Variants in PC observed in about 807,000 individuals in gnomAD.
PC encodes the protein pyruvate carboxylase.
Under a neutral mutation model 107.8 loss-of-function variants are expected in PC, and 46 were observed. That is an observed-to-expected ratio of 0.43 (90% CI 0.34 to 0.55). The LOEUF (loss-of-function observed/expected upper bound fraction) is 0.55. PC is among the 20% of genes least tolerant of loss of function. The probability of loss-of-function intolerance (pLI) is 0.04; values close to 1 mark genes in which losing one functional copy is unlikely to be tolerated. For synonymous variants in PC, 662 were observed against 684.7 expected, an observed-to-expected ratio of 0.97 and a Z score of 0.52; for missense variants, 1,241 against 1,643.1, an observed-to-expected ratio of 0.76 and a Z score of 4.23.
chr11:66,932,565 C>T (rs1354081848), intron 3 of PC, among the ~76,000 whole-genome samples: 1 of 152,162 alleles, frequency 6.6e-6, no homozygotes, highest in African/African-American at 2.4e-5. Flanking sequence ...CCGAAATGTC[C>T]TTTCGGGGCC....
chr11:66,886,617 A>C (rs1378769789), intron 3 of PC, among the ~76,000 whole-genome samples: 1 of 152,138 alleles, frequency 6.6e-6, no homozygotes, highest in African/African-American at 2.4e-5. Flanking sequence ...AGAAATACTT[A>C]GGAGGTGGCA....
chr11:66,902,977 A>G (rs1327241382), intron 3 of PC, among the ~76,000 whole-genome samples: 1 of 152,202 alleles, frequency 6.6e-6, no homozygotes, highest in Non-Finnish European at 1.5e-5. Context: ...TACCCGCTAC[A>G]CCACCGCAGC....
At chr11:66,951,373 G>T (rs1324150880) in intron 3 of PC, among the ~76,000 whole-genome samples, 1 of 152,120 alleles carries the variant, frequency 6.6e-6, no homozygotes, top group Non-Finnish European at 1.5e-5. Context: ...GCAGGGGACC[G>T]GCGGGAGGGC....
At chr11:66,916,680 T>G (rs11227625) in intron 3 of PC, among the ~76,000 whole-genome samples, 66,463 of 151,800 alleles carry the variant, frequency 0.44, 14,847 homozygotes, top group Middle Eastern at 0.49. Context: ...AAAGGCCGGG[T>G]GTGGTGGCTC....
chr11:66,940,077 T>C (rs932163351), intron 3 of PC, among the ~76,000 whole-genome samples: 1 of 152,052 alleles, frequency 6.6e-6, no homozygotes, highest in African/African-American at 2.4e-5. Context: ...AATGTAAAAA[T>C]TTTGTGCATC....
chr11:66,914,727 C>T (rs1015842186), intron 3 of PC, among the ~76,000 whole-genome samples: 1 of 152,192 alleles, frequency 6.6e-6, no homozygotes, highest in African/African-American at 2.4e-5. Flanking sequence ...AATTACACTA[C>T]CAGGGACTGT....
intron 3 of PC, among the ~76,000 whole-genome samples, chr11:66,896,922 TTTTGTTTGTTTG>T (rs142954680): frequency 1.1e-4 from 17 of 152,056 alleles, no homozygotes; most frequent in Non-Finnish European, 1.0e-4. Context: ...TCCTTTTGTT[TTTTGTTTGTTTG>T]TTTGTTTGTT....
At chr11:66,901,500 C>G (rs763422014) in intron 3 of PC, among the ~76,000 whole-genome samples, 21 of 152,028 alleles carry the variant, frequency 1.4e-4, no homozygotes, top group African/African-American at 4.8e-4. Flanking sequence ...GACAGAGTCC[C>G]GCTCTGTCAC....
At chr11:66,916,175 C>G (rs899294727) in intron 3 of PC, among the ~76,000 whole-genome samples, 1 of 152,232 alleles carries the variant, frequency 6.6e-6, no homozygotes, top group African/African-American at 2.4e-5. Context: ...TGGTCTTTCC[C>G]TTAGCGTAGG....
chr11:66,858,103 T>A lies in PC; in HGVS notation c.1369-4720A>T. 1.2e-6 allele frequency: 2 copies of A among 1,609,814 alleles called. No individual in the cohort carries two copies. Among genetic ancestry groups the A allele is most frequent in the Non-Finnish European group, 1.7e-6 (2 of 1,178,406 alleles). On this transcript the variant is annotated intron_variant, in intron 12 of 22. Coordinates refer to ENST00000393960, the MANE Select transcript of PC (RefSeq NM_001040716.2). The surrounding 1 kb of genome is among the most constrained non-coding windows in gnomAD (Gnocchi z 5.9). ...GGCACCGGGAGCCTCCGGGGCCCCGTCAATCTGCAGCACCTCATCCTCAGC... is the reference window on the plus strand; with the variant it reads ...GGCACCGGGAGCCTCCGGGGCCCCGACAATCTGCAGCACCTCATCCTCAGC...
chr11:66,872,004 C>T lies in PC; in HGVS notation c.136+20G>A, dbSNP rs765003994. ...TGGGGCGGCCATGAGGCTCCTCTCA[C>T]CGGCCCCACTGGTGCTCACCTCTGT... is the stretch of plus-strand genomic sequence containing the variant. On this transcript the variant is annotated intron_variant, in intron 4 of 22. Coordinates refer to ENST00000393960, the MANE Select transcript of PC (RefSeq NM_001040716.2). 4 of 1,557,276 alleles carry T rather than the reference C, an allele frequency of 2.6e-6. No homozygotes were observed. Among genetic ancestry groups the T allele is most frequent in the South Asian group, 2.4e-5 (2 of 84,648 alleles).
chr11:66,879,482 C>T (rs766778360), intron 3 of PC, among the ~76,000 whole-genome samples: 8 of 152,224 alleles, frequency 5.3e-5, no homozygotes, highest in Non-Finnish European at 7.3e-5. Flanking sequence ...CACCCTGTAC[C>T]GGCCTTCAGT....
At chr11:66,957,213 T>A (rs1949583702) in intron 1 of PC, among the ~76,000 whole-genome samples, 1 of 152,252 alleles carries the variant, frequency 6.6e-6, no homozygotes, top group African/African-American at 2.4e-5. Flanking sequence ...GCAGGCACTC[T>A]GGAGGTTCTG....
intron 3 of PC, among the ~76,000 whole-genome samples, chr11:66,951,251 C>G (rs1303635443): frequency 6.6e-6 from 1 of 152,186 alleles, no homozygotes; most frequent in Non-Finnish European, 1.5e-5. Flanking sequence ...TCCCCAAGGC[C>G]ACAGCGGGCC....
At chr11:66,884,365 T>C (rs937798793) in intron 3 of PC, among the ~76,000 whole-genome samples, 2 of 152,044 alleles carry the variant, frequency 1.3e-5, no homozygotes, top group African/African-American at 4.8e-5. Context: ...TGAGCCATGA[T>C]GGTCCCAGTG....
intron 3 of PC, among the ~76,000 whole-genome samples, chr11:66,914,480 C>T (rs1948419751): frequency 6.7e-6 from 1 of 149,582 alleles, no homozygotes; most frequent in Non-Finnish European, 1.5e-5. Context: ...CACTGCACTC[C>T]AGTCTGGGCA....
intron 3 of PC, among the ~76,000 whole-genome samples, chr11:66,912,766 G>C (rs1279872760): frequency 6.6e-6 from 1 of 152,200 alleles, no homozygotes; most frequent in African/African-American, 2.4e-5. Context: ...AGCAGCAAGG[G>C]AAGAGGACGG....
At chr11:66,900,707 T>C (rs1439095962) in intron 3 of PC, among the ~76,000 whole-genome samples, 1 of 152,230 alleles carries the variant, frequency 6.6e-6, no homozygotes, top group Non-Finnish European at 1.5e-5. Flanking sequence ...TTTCAGAGTA[T>C]AAGTCTTGCA....
intron 16 of PC, 130 bp from the exon 17 acceptor site, chr11:66,851,410 G>A: frequency 7.2e-7 from 1 of 1,381,482 alleles, no homozygotes; most frequent in Non-Finnish European, 1.0e-6. Flanking sequence ...GGCAGGGGGT[G>A]TGGCATCCAC....
Sources: allele counts gnomAD v4.1 joint callset (sites outside exome capture counted in the v4.1 genomes callset), GRCh38; gene constraint gnomAD v4.1.1; non-coding constraint Gnocchi (gnomAD v3.1); transcripts MANE v1.5; gene names NCBI Gene and HGNC (gene_info 2026-07-23, HGNC 2026-07-21).